The following SH3RF2 variants were observed in gnomAD, a reference collection of about 807,000 sequenced individuals.
SH3RF2 encodes E3 ubiquitin-protein ligase SH3RF2.
SH3RF2 carries 43 observed loss-of-function variants against 59.0 expected under a neutral mutation model. The observed-to-expected ratio is 0.73, with a 90% CI of 0.57 to 0.94. The LOEUF (loss-of-function observed/expected upper bound fraction) is 0.94. Among genes scored for constraint, SH3RF2 ranks in the 40% least tolerant of loss-of-function variants. SH3RF2 has a pLI of 0.00. For missense variants in SH3RF2, 930 were observed against 940.1 expected, an observed-to-expected ratio of 0.99 and a Z score of 0.14; for synonymous variants, 391 against 391.5, an observed-to-expected ratio of 1.00 and a Z score of 0.01.
At chr5:146,050,673 A>G (rs1762463690) in intron 7 of SH3RF2, among the ~76,000 whole-genome samples, 1 of 152,264 alleles carries the variant, frequency 6.6e-6, no homozygotes, top group Non-Finnish European at 1.5e-5. Flanking sequence ...TAAACAAAAT[A>G]TACAAAATTC....
chr5:146,029,151 C>T (rs1381280196), intron 5 of SH3RF2, among the ~76,000 whole-genome samples: 1 of 152,216 alleles, frequency 6.6e-6, no homozygotes, highest in East Asian at 1.9e-4. Context: ...GTCTTACATC[C>T]TCTGTGAGTA....
At chr5:145,997,368 G>A (rs1760208640) in intron 2 of SH3RF2, 2 of 1,199,344 alleles carry the variant, frequency 1.7e-6, no homozygotes, top group East Asian at 2.3e-5. Flanking sequence ...ATATGTTGAA[G>A]AGCAGCCTGG....
At chr5:146,010,496 C>G (rs550318546) in intron 4 of SH3RF2, among the ~76,000 whole-genome samples, 106 of 152,352 alleles carry the variant, frequency 7.0e-4, no homozygotes, top group African/African-American at 2.5e-3. Flanking sequence ...GTCCCAACAA[C>G]AGTGTAAAAG....
At chr5:145,978,693 A>G (rs1759395483) in intron 2 of SH3RF2, among the ~76,000 whole-genome samples, 1 of 151,866 alleles carries the variant, frequency 6.6e-6, no homozygotes, top group Non-Finnish European at 1.5e-5. Flanking sequence ...AGGAAAAAAA[A>G]AAAAAGAAAA....
chr5:145,947,681 G>A (rs1053467285), intron 2 of SH3RF2, among the ~76,000 whole-genome samples: 5 of 152,160 alleles, frequency 3.3e-5, no homozygotes, highest in African/African-American at 1.2e-4. Context: ...ATAGCACAGG[G>A]CCTGACTCAT....
At chr5:146,035,825 G>A (rs984332990) in intron 5 of SH3RF2, among the ~76,000 whole-genome samples, 2 of 152,188 alleles carry the variant, frequency 1.3e-5, no homozygotes, top group Admixed American at 6.5e-5. Flanking sequence ...TCTGGGGAAT[G>A]TGAGGGCAGG....
At chr5:145,999,411 C>G (rs571298054) in intron 2 of SH3RF2, among the ~76,000 whole-genome samples, 2 of 152,140 alleles carry the variant, frequency 1.3e-5, no homozygotes, top group Admixed American at 6.5e-5. Flanking sequence ...ATGAACTTTT[C>G]TTTTGCATTC....
At chr5:145,983,247 C>CTT (rs35986916) in intron 2 of SH3RF2, among the ~76,000 whole-genome samples, 76 of 133,950 alleles carry the variant, frequency 5.7e-4, no homozygotes, top group Non-Finnish European at 8.1e-4. Context: ...AAACCAGAGC[C>CTT]TTTTTTTTTT....
At chr5:146,033,679 A>G (rs1205868294) in intron 5 of SH3RF2, among the ~76,000 whole-genome samples, 1 of 151,862 alleles carries the variant, frequency 6.6e-6, no homozygotes, top group Non-Finnish European at 1.5e-5. Context: ...CATGTGGGTC[A>G]GGCTGGTCTC....
chr5:145,996,422 T>C (rs1005199539), intron 2 of SH3RF2, among the ~76,000 whole-genome samples: 6 of 152,214 alleles, frequency 3.9e-5, no homozygotes, highest in African/African-American at 1.4e-4. Flanking sequence ...AGTGAGGCCA[T>C]TTCTATGTGA....
chr5:146,063,014 G>A lies in SH3RF2; in HGVS notation c.*313G>A. ...GTATGTGGCCTCTTGTCATCCCCGT[G>A]TTACTGTGTAGAATTTCTATGGTGT... is the stretch of plus-strand genomic sequence containing the variant. On this transcript the variant is annotated 3_prime_UTR_variant, in exon 10 of 10. Transcript: ENST00000359120. 1 of 360,804 alleles carries A rather than the reference G, an allele frequency of 2.8e-6. No individual in the cohort carries two copies. The highest frequency in any genetic ancestry group is 3.6e-5 in the South Asian group (1 of 27,900). The allele number at this position is 360,804 out of a possible 1,614,324, so 22.4% of individuals were successfully genotyped here. A position where few individuals can be genotyped will look rare whatever the true frequency, so the allele number is the denominator to read the frequency against.
intron 2 of SH3RF2, among the ~76,000 whole-genome samples, chr5:145,959,728 C>A (rs1352894138): frequency 6.6e-6 from 1 of 150,882 alleles, no homozygotes; most frequent in East Asian, 2.0e-4. Context: ...GTTCACAGAA[C>A]CTCTAGGAGG....
At chr5:145,943,838 A>G (rs759005124) in intron 2 of SH3RF2, among the ~76,000 whole-genome samples, 4 of 152,192 alleles carry the variant, frequency 2.6e-5, no homozygotes, top group Admixed American at 1.3e-4. Context: ...TTTCTTACTC[A>G]ACCTCAATTA....
chr5:146,007,169 C>T (rs542656109), intron 4 of SH3RF2, among the ~76,000 whole-genome samples: 4 of 152,182 alleles, frequency 2.6e-5, no homozygotes, highest in African/African-American at 9.6e-5. Context: ...TTTAAGTGAC[C>T]AGGTTTGGAT....
intron 5 of SH3RF2, among the ~76,000 whole-genome samples, chr5:146,015,083 G>A (rs941330639): frequency 3.3e-5 from 5 of 152,108 alleles, no homozygotes; most frequent in Non-Finnish European, 7.4e-5. Flanking sequence ...TGTAAATTTT[G>A]TTTTTAAACA....
downstream of SH3RF2, among the ~76,000 whole-genome samples, chr5:146,064,725 A>G (rs7724890): frequency 3.9e-4 from 9 of 22,970 alleles, 1 homozygote; most frequent in Admixed American, 1.4e-3. Flanking sequence ...AAAGAAAGAA[A>G]GAAAGGAAGG....
At chr5:146,053,717 G>C (rs1368284706) in intron 7 of SH3RF2, among the ~76,000 whole-genome samples, 1 of 152,078 alleles carries the variant, frequency 6.6e-6, no homozygotes, top group Non-Finnish European at 1.5e-5. Flanking sequence ...ATACCCTTCT[G>C]CCCAATTAGC....
chr5:146,070,409 A>G (rs1468234049), intron 9 of SH3RF2, among the ~76,000 whole-genome samples: 1 of 152,210 alleles, frequency 6.6e-6, no homozygotes, highest in Non-Finnish European at 1.5e-5. Flanking sequence ...GAGAAGTAAG[A>G]TAACTGAGAG....
chr5:145,950,721 GAA>G (rs751039535), intron 2 of SH3RF2, among the ~76,000 whole-genome samples: 29 of 152,162 alleles, frequency 1.9e-4, no homozygotes, highest in Non-Finnish European at 3.8e-4. Flanking sequence ...ATTTTATCTC[GAA>G]TATGACAAGC....
Sources: gnomAD v4.1 joint callset for allele counts (sites outside exome capture counted in the v4.1 genomes callset) on GRCh38, gnomAD v4.1.1 for gene constraint, MANE v1.5 for transcripts, NCBI Gene and HGNC (gene_info 2026-07-23, HGNC 2026-07-21) for gene names.